The following SPRED1 variants were observed in gnomAD, a reference collection of about 807,000 sequenced individuals.
SPRED1 encodes the protein sprouty related EVH1 domain containing 1.
SPRED1 carries 18 observed loss-of-function variants against 52.3 expected under a neutral mutation model. The observed-to-expected ratio is 0.34, with a 90% CI of 0.24 to 0.51. The LOEUF (loss-of-function observed/expected upper bound fraction) is 0.51, where lower values mean the gene tolerates loss of function less well. Ranked by LOEUF, SPRED1 falls within the 20% of genes least tolerant of loss-of-function variation. The pLI, the probability that SPRED1 is intolerant of heterozygous loss-of-function variation, is 0.97. For missense variants in SPRED1, 485 were observed against 551.0 expected (o/e 0.88, Z 1.20); for synonymous variants, 155 against 179.7 (o/e 0.86, Z 1.10).
chr15:38,328,098 A>G (rs1895741340), intron 4 of SPRED1, among the ~76,000 whole-genome samples: 1 of 152,184 alleles, frequency 6.6e-6, no homozygotes, highest in Admixed American at 6.5e-5. Flanking sequence ...TTCATAATTC[A>G]TCTTATGGGC....
At position 38,315,662 on chromosome 15, in the gene SPRED1, T is replaced by C. The variant is rs552771087; in HGVS notation, c.208-6579T>C. Reference sequence around the variant, plus strand: ...GGAGATTGAAGCATTTTTACAGCCTTTAGAATCCATTAACAAACTCTTCAG... The same window carrying C: ...GGAGATTGAAGCATTTTTACAGCCTCTAGAATCCATTAACAAACTCTTCAG... On this transcript the variant is annotated intron_variant, in intron 2 of 6. Transcript: ENST00000299084. Among the ~76,000 whole-genome samples, 9 of 152,050 alleles carry C rather than the reference T, an allele frequency of 5.9e-5. No individual in the cohort carries two copies. In the East Asian group the frequency reaches 1.3e-3, roughly 23 times the overall value.
chr15:38,334,365 G>A (rs893785233), intron 4 of SPRED1, among the ~76,000 whole-genome samples: 15 of 151,910 alleles, frequency 9.9e-5, no homozygotes, highest in African/African-American at 3.6e-4. Context: ...GTAATTAGTT[G>A]TATTGGTTAT....
intron 5 of SPRED1, among the ~76,000 whole-genome samples, chr15:38,341,963 G>GT (rs1343230446): frequency 2.0e-5 from 3 of 147,800 alleles, no homozygotes; most frequent in East Asian, 2.0e-4. Flanking sequence ...TTCACAATAG[G>GT]TTTTTTTCTT....
intron 1 of SPRED1, among the ~76,000 whole-genome samples, chr15:38,285,693 C>T (rs1894791963): frequency 6.6e-6 from 1 of 152,070 alleles, no homozygotes; most frequent in African/African-American, 2.4e-5. Flanking sequence ...ATATGTGGCT[C>T]TTGGAGGTTT....
At chr15:38,294,818 T>C (rs1894999706) in intron 1 of SPRED1, among the ~76,000 whole-genome samples, 1 of 152,172 alleles carries the variant, frequency 6.6e-6, no homozygotes, top group Non-Finnish European at 1.5e-5. Context: ...GCCAGGGTAA[T>C]CATAGATGCT....
intron 1 of SPRED1, among the ~76,000 whole-genome samples, chr15:38,287,803 G>A (rs374156324): frequency 2.6e-5 from 4 of 152,162 alleles, no homozygotes; most frequent in South Asian, 2.1e-4. Context: ...GGACTTGAGC[G>A]TCAAGGATTT....
intron 3 of SPRED1, among the ~76,000 whole-genome samples, chr15:38,322,773 T>C (rs1895631444): frequency 6.6e-6 from 1 of 152,112 alleles, no homozygotes; most frequent in South Asian, 2.1e-4. Flanking sequence ...AGTCACATCC[T>C]TTTTTTGGGT....
At chr15:38,254,940 A>C (rs1244280523) in intron 1 of SPRED1, among the ~76,000 whole-genome samples, 1 of 152,220 alleles carries the variant, frequency 6.6e-6, no homozygotes, top group Admixed American at 6.5e-5. Context: ...AGTTTGGATT[A>C]AAAATGTTAA....
At chr15:38,329,791 T>C (rs1167363191) in intron 4 of SPRED1, among the ~76,000 whole-genome samples, 1 of 152,164 alleles carries the variant, frequency 6.6e-6, no homozygotes, top group African/African-American at 2.4e-5. Flanking sequence ...TGGCATCTTG[T>C]ATACAAATGC....
chr15:38,337,642 T>C (rs1252449875), intron 4 of SPRED1, among the ~76,000 whole-genome samples: 1 of 152,186 alleles, frequency 6.6e-6, no homozygotes, highest in Non-Finnish European at 1.5e-5. Flanking sequence ...TGTTAATGTT[T>C]AATTTACAGG....
intron 2 of SPRED1, among the ~76,000 whole-genome samples, chr15:38,305,663 C>A (rs938561440): frequency 6.6e-6 from 1 of 151,902 alleles, no homozygotes; most frequent in Non-Finnish European, 1.5e-5. Context: ...AAGGCCTTAC[C>A]AAGAATGTAG....
chr15:38,302,380 ATTTTTATT>A (rs1314395669), intron 2 of SPRED1, among the ~76,000 whole-genome samples: 14 of 151,956 alleles, frequency 9.2e-5, no homozygotes, highest in Admixed American at 8.5e-4. Context: ...TTACTGTTTT[ATTTTTATT>A]TTTTTATTTT....
intron 2 of SPRED1, among the ~76,000 whole-genome samples, chr15:38,315,720 A>G (rs1280429544): frequency 6.6e-6 from 1 of 151,948 alleles, no homozygotes; most frequent in African/African-American, 2.4e-5. Flanking sequence ...GAAGTGCTTA[A>G]TAGTTGTATC....
rs76258389 is a variant in SPRED1 at position 38,293,770 on chromosome 15, A to G, written c.33-5603A>G. Among the ~76,000 whole-genome samples, 622 of 152,206 alleles carry G rather than the reference A, an allele frequency of 4.1e-3. 8 individuals carry two copies. The highest frequency in any genetic ancestry group is 0.031 in the East Asian group (162 of 5,170). On this transcript the variant is annotated intron_variant, in intron 1 of 6. Transcript: ENST00000299084. ...ACTACTATTTTCTTTCTTTCTCTCT[A>G]TCGCTTATGTCTACTGTCATCTTTT...
chr15:38,284,785 T>C (rs953599739), intron 1 of SPRED1, among the ~76,000 whole-genome samples: 6 of 152,190 alleles, frequency 3.9e-5, no homozygotes, highest in African/African-American at 1.4e-4. Context: ...AATGTTTGTA[T>C]GCATTTGGAT....
Position 38,299,560 on chromosome 15 carries a change from G to A in SPRED1, c.207+13G>A, listed in dbSNP as rs1227333491. 1 of 1,610,304 alleles carries A rather than the reference G, an allele frequency of 6.2e-7. No homozygotes were observed. The highest frequency in any genetic ancestry group is 1.1e-5 in the South Asian group (1 of 90,994). ...CAGGGACAAAATGGTAATGAATAAT[G>A]TATCTAATACTATAATTTTAGATAA... On this transcript the variant is annotated intron_variant, in intron 2 of 6. Coordinates refer to ENST00000299084, the MANE Select transcript of SPRED1 (RefSeq NM_152594.3).
At chr15:38,314,979 A>C (rs930953718) in intron 2 of SPRED1, among the ~76,000 whole-genome samples, 48 of 151,922 alleles carry the variant, frequency 3.2e-4, no homozygotes, top group African/African-American at 1.1e-3. Context: ...CACTCAGCTC[A>C]GAACACAGTG....
intron 2 of SPRED1, among the ~76,000 whole-genome samples, chr15:38,315,345 G>A (rs1392189217): frequency 6.6e-6 from 1 of 151,892 alleles, no homozygotes; most frequent in Non-Finnish European, 1.5e-5. Context: ...CAACTACAAT[G>A]TAGTACTTAG....
intron 2 of SPRED1, among the ~76,000 whole-genome samples, chr15:38,310,153 G>GTGTGTGTGTGTGTGTGT (rs373463622): frequency 9.1e-5 from 12 of 132,176 alleles, no homozygotes; most frequent in South Asian, 5.2e-4. Flanking sequence ...GTGTGTGTGT[G>GTGTGTGTGTGTGTGTGT]TTTGGAGACG....
Sources: gnomAD v4.1 joint callset for allele counts (sites outside exome capture counted in the v4.1 genomes callset) on GRCh38, gnomAD v4.1.1 for gene constraint, MANE v1.5 for transcripts, NCBI Gene and HGNC (gene_info 2026-07-23, HGNC 2026-07-21) for gene names.